CACNA1D: variants seen among roughly 807,000 people sequenced by gnomAD.
CACNA1D encodes the protein voltage-dependent L-type calcium channel subunit alpha-1D.
CACNA1D carries 55 observed loss-of-function variants against 257.1 expected under a neutral mutation model. The ratio of observed to expected loss-of-function variants is 0.21; its 90% CI spans 0.17 to 0.27. The LOEUF (loss-of-function observed/expected upper bound fraction) is 0.27. CACNA1D is among the 10% of genes least tolerant of loss of function. The pLI, the probability that CACNA1D is intolerant of heterozygous loss-of-function variation, is 1.00. For missense variants in CACNA1D, 1,876 were observed against 2,784.0 expected (o/e 0.67, Z 7.34); for synonymous variants, 980 against 1,014.9 (o/e 0.97, Z 0.65).
At chr3:53,720,156 G>A (rs970053241) in intron 11 of CACNA1D, among the ~76,000 whole-genome samples, 7 of 152,146 alleles carry the variant, frequency 4.6e-5, no homozygotes, top group Admixed American at 2.6e-4. Context: ...TGCGGGTTAC[G>A]TGTTCAGTTG....
At chr3:53,790,061 G>C (rs567662999) in intron 40 of CACNA1D, among the ~76,000 whole-genome samples, 1 of 152,296 alleles carries the variant, frequency 6.6e-6, no homozygotes, top group East Asian at 1.9e-4. Flanking sequence ...CCCCTCTACA[G>C]AGGGAACCAG....
chr3:53,643,711 G>T (rs544072504), intron 3 of CACNA1D, among the ~76,000 whole-genome samples: 1 of 152,298 alleles, frequency 6.6e-6, no homozygotes, highest in Non-Finnish European at 1.5e-5. Flanking sequence ...ACCAAACCCC[G>T]TACCGTGGCA....
rs561754115 is a variant in CACNA1D at position 53,726,169 on chromosome 3, AAAACTTTGCATAGCATGATATCC to A, written c.2101-709_2101-687del. ...GAATGAAAAAACAAGCCAGTTGCAG[AAAACTTTGCATAGCATGATATCC>A]TTTATGTCTGAAAACTCAGAGAAGA... On this transcript the variant is annotated intron_variant, in intron 14 of 47. Coordinates refer to ENST00000350061, the MANE Select transcript of CACNA1D (RefSeq NM_001128840.3). Among the ~76,000 whole-genome samples the A allele has an allele frequency of 1.8e-3, 280 of 152,370 alleles. 6 individuals are homozygous for A. The South Asian group carries it at 0.048, about 26-fold the overall frequency.
intron 2 of CACNA1D, among the ~76,000 whole-genome samples, chr3:53,498,418 T>G (rs1053241030): frequency 2.6e-5 from 4 of 152,236 alleles, no homozygotes; most frequent in African/African-American, 9.6e-5. Context: ...ACTGCCACTC[T>G]TCAGAGAAGG....
intron 2 of CACNA1D, among the ~76,000 whole-genome samples, chr3:53,500,087 A>G (rs2090527941): frequency 6.6e-6 from 1 of 151,898 alleles, no homozygotes. Flanking sequence ...TGAAGGTTTT[A>G]TGAAACTCAA....
At chr3:53,559,643 C>G (rs925947613) in intron 3 of CACNA1D, among the ~76,000 whole-genome samples, 1 of 152,132 alleles carries the variant, frequency 6.6e-6, no homozygotes, top group Non-Finnish European at 1.5e-5. Flanking sequence ...AATCTGAAGG[C>G]CACTGGCATA....
chr3:53,772,457 C>G (rs1014348897), intron 32 of CACNA1D, among the ~76,000 whole-genome samples: 1 of 152,218 alleles, frequency 6.6e-6, no homozygotes, highest in Admixed American at 6.5e-5. Flanking sequence ...TGGAAGTACT[C>G]TAAATGTCCA....
intron 15 of CACNA1D, 100 bp from the exon 16 acceptor site, chr3:53,730,342 C>G (rs2094977736): frequency 2.5e-6 from 2 of 795,378 alleles, no homozygotes; most frequent in Admixed American, 1.9e-5. Context: ...CGGTCACTTA[C>G]TACCAGCTTC....
intron 32 of CACNA1D, among the ~76,000 whole-genome samples, chr3:53,771,104 C>G (rs986786760): frequency 6.6e-6 from 1 of 152,162 alleles, no homozygotes; most frequent in African/African-American, 2.4e-5. Flanking sequence ...TGGCACAGCT[C>G]GGTTCTAGAC....
chr3:53,642,083 A>AG (rs2093959538), intron 3 of CACNA1D, among the ~76,000 whole-genome samples: 1 of 152,034 alleles, frequency 6.6e-6, no homozygotes, highest in African/African-American at 2.4e-5. Context: ...TGGGGAGGGG[A>AG]GGGGAGAGAA....
intron 12 of CACNA1D, among the ~76,000 whole-genome samples, chr3:53,722,852 G>A (rs1286618540): frequency 6.6e-6 from 1 of 152,112 alleles, no homozygotes; most frequent in African/African-American, 2.4e-5. Context: ...TCCAGCACTG[G>A]GGTGTGGGAC....
chr3:53,523,535 G>A (rs1398314308), intron 3 of CACNA1D, among the ~76,000 whole-genome samples: 4 of 152,176 alleles, frequency 2.6e-5, no homozygotes, highest in Non-Finnish European at 5.9e-5. Flanking sequence ...GGCCTCTGGC[G>A]CTTCGCCATA....
chr3:53,767,878 G>A (rs983570292), intron 30 of CACNA1D, among the ~76,000 whole-genome samples: 2 of 152,216 alleles, frequency 1.3e-5, no homozygotes, highest in African/African-American at 4.8e-5. Flanking sequence ...TGTGGTGGGA[G>A]GGGAGGTGTC....
At chr3:53,660,102 C>T (rs766152090) in intron 4 of CACNA1D, 31 bp from the exon 5 acceptor site, 16 of 1,607,484 alleles carry the variant, frequency 1.0e-5, no homozygotes, top group Admixed American at 5.0e-5. Context: ...GTAACAGACT[C>T]TAACATTTCT....
intron 45 of CACNA1D, among the ~76,000 whole-genome samples, chr3:53,806,651 T>A (rs1241503794): frequency 6.6e-6 from 1 of 152,204 alleles, no homozygotes; most frequent in African/African-American, 2.4e-5. Flanking sequence ...ACACATCGGC[T>A]TCTGAGTCTG....
chr3:53,696,100 A>G (rs1003558216), intron 8 of CACNA1D, among the ~76,000 whole-genome samples: 3 of 152,160 alleles, frequency 2.0e-5, no homozygotes, highest in African/African-American at 7.2e-5. Context: ...AGTAGCTGAG[A>G]CCACAGGTGC....
In CACNA1D at chr3:53,732,971, T is replaced by A. The variant is rs778777454; in HGVS notation, c.2621+9T>A. 6.2e-7 allele frequency: 1 copy of A among 1,613,602 alleles called. No homozygotes were observed. The highest frequency in any genetic ancestry group is 1.7e-5 in the Admixed American group (1 of 59,978). ...CTTAGCAAGACCAACCCGTAAATAC[T>A]CCCCTTCTAGTCTCTCACGGCTGCC... On this transcript the variant is annotated intron_variant, in intron 19 of 47. Coordinates refer to ENST00000350061, the MANE Select transcript of CACNA1D (RefSeq NM_001128840.3).
In CACNA1D at chr3:53,774,715, G is replaced by A. The variant is rs751479571; in HGVS notation, c.4202+37G>A. 1.2e-5 allele frequency: 15 copies of A among 1,262,130 alleles called. No individual in the cohort carries two copies. The highest frequency in any genetic ancestry group is 1.2e-4 in the Admixed American group (7 of 59,586). The allele number at this position is 1,262,130 out of a possible 1,614,324, so 78.2% of individuals were successfully genotyped here. ...TGGCTTGGGCGGTGCTCCTGGGCAG[G>A]GGGGTCCGCTAGGCGTGGGTCCAGA... On this transcript the variant is annotated intron_variant, in intron 34 of 47. Transcript: ENST00000350061. The surrounding 1 kb of genome is among the most constrained non-coding windows in gnomAD (Gnocchi z 4.3).
At chr3:53,536,126 G>A (rs757499714) in intron 3 of CACNA1D, among the ~76,000 whole-genome samples, 6 of 152,146 alleles carry the variant, frequency 3.9e-5, no homozygotes, top group African/African-American at 1.2e-4. Context: ...TGCTTTCAGG[G>A]TCTTAACTAT....
Sources: gnomAD v4.1 joint callset for allele counts (sites outside exome capture counted in the v4.1 genomes callset) on GRCh38, gnomAD v4.1.1 for gene constraint, Gnocchi (gnomAD v3.1) non-coding constraint, MANE v1.5 for transcripts, NCBI Gene and HGNC (gene_info 2026-07-23, HGNC 2026-07-21) for gene names.